The following NLGN1 variants were observed in gnomAD, a reference collection of about 807,000 sequenced individuals.
The protein encoded by NLGN1 is neuroligin 1, also known as neuroligin-1.
Under a neutral mutation model 65.5 loss-of-function variants are expected in NLGN1, and 12 were observed. That is an observed-to-expected ratio of 0.18 (90% confidence interval 0.12 to 0.30). The LOEUF is 0.30. NLGN1 is among the 10% of genes least tolerant of loss of function. The pLI, the probability that NLGN1 is intolerant of heterozygous loss-of-function variation, is 1.00. For synonymous variants in NLGN1, 350 were observed against 359.5 expected, an observed-to-expected ratio of 0.97 and a Z score of 0.30; for missense variants, 750 against 1,007.1, an observed-to-expected ratio of 0.74 and a Z score of 3.46.
intron 1 of NLGN1, among the ~76,000 whole-genome samples, chr3:173,420,005 A>C (rs934776463): frequency 2.6e-5 from 4 of 151,058 alleles, no homozygotes; most frequent in African/African-American, 7.3e-5. Context: ...AATAAAGTAA[A>C]ATAAAATAAT....
intron 2 of NLGN1, among the ~76,000 whole-genome samples, chr3:173,514,204 C>CTT (rs1733460513): frequency 6.6e-6 from 1 of 152,032 alleles, no homozygotes; most frequent in African/African-American, 2.4e-5. Context: ...GAATAATTAC[C>CTT]TGAAATTTAT....
At chr3:173,737,479 C>G (rs1450519247) in intron 3 of NLGN1, among the ~76,000 whole-genome samples, 1 of 151,986 alleles carries the variant, frequency 6.6e-6, no homozygotes, top group Non-Finnish European at 1.5e-5. Flanking sequence ...CTATAGATTG[C>G]CTCTTCAAGA....
chr3:173,663,290 A>G (rs1445353735), intron 3 of NLGN1, among the ~76,000 whole-genome samples: 6 of 152,034 alleles, frequency 3.9e-5, no homozygotes, highest in Admixed American at 3.9e-4. Flanking sequence ...TTTAAGACAG[A>G]CACATAACAA....
chr3:174,080,110 C>A (rs1052144678), intron 4 of NLGN1, among the ~76,000 whole-genome samples: 52 of 152,154 alleles, frequency 3.4e-4, no homozygotes, highest in African/African-American at 1.2e-3. Context: ...ACATTTGATT[C>A]TTTTGGCCCT....
At chr3:173,417,688 T>C (rs1714076407) in intron 1 of NLGN1, among the ~76,000 whole-genome samples, 1 of 152,024 alleles carries the variant, frequency 6.6e-6, no homozygotes, top group Non-Finnish European at 1.5e-5. Flanking sequence ...GATGTTTGGG[T>C]CTCTATCAGT....
At position 173,537,427 on chromosome 3, in the gene NLGN1, A is replaced by G. The variant is rs78980345; in HGVS notation, c.-320-66852A>G. Among the ~76,000 whole-genome samples the G allele has an allele frequency of 3.2e-4, 48 of 152,170 alleles. No individual in the cohort carries two copies. In the East Asian group the frequency reaches 8.5e-3, roughly 27 times the overall value. ...TCCATAACTTAAATACTGTGATATA[A>G]AGTCAGTACATCTTACGTTACATGA... On this transcript the variant is annotated intron_variant, in intron 2 of 6. Transcript: ENST00000457714.
intron 3 of NLGN1, among the ~76,000 whole-genome samples, chr3:173,738,503 C>A (rs967773382): frequency 2.6e-5 from 4 of 152,014 alleles, no homozygotes; most frequent in Non-Finnish European, 5.9e-5. Flanking sequence ...AACAACTATT[C>A]TTTCCCCAAT....
At chr3:173,907,910 G>A (rs34119047) in intron 4 of NLGN1, among the ~76,000 whole-genome samples, 19,646 of 150,944 alleles carry the variant, frequency 0.13, 1,538 homozygotes, top group East Asian at 0.39. Context: ...AGTAGAGACG[G>A]GGTTTCACCA....
intron 2 of NLGN1, among the ~76,000 whole-genome samples, chr3:173,500,605 T>C (rs1010421458): frequency 6.6e-6 from 1 of 152,192 alleles, no homozygotes; most frequent in Admixed American, 6.5e-5. Context: ...TTCTATTGAT[T>C]GGAATAGTTT....
intron 3 of NLGN1, among the ~76,000 whole-genome samples, chr3:173,702,356 T>C (rs1173276234): frequency 1.3e-5 from 2 of 152,152 alleles, no homozygotes; most frequent in African/African-American, 4.8e-5. Context: ...TTTATGTATG[T>C]CCTGCTAAGT....
chr3:173,897,769 G>A lies in NLGN1; in HGVS notation c.646+89937G>A, dbSNP rs116114817. Among the ~76,000 whole-genome samples, 1,154 of 152,160 alleles carry A rather than the reference G, an allele frequency of 7.6e-3. 16 individuals carry two copies. The highest frequency in any genetic ancestry group is 0.026 in the African/African-American group (1,083 of 41,528). On this transcript the variant is annotated intron_variant, in intron 4 of 6. Transcript: ENST00000457714. Reference sequence around the variant, plus strand: ...TTCACTGAACCAGATAAGCTTTAGGGACTCAGTTCTACAAGTAAGCCATAG... The same window carrying A: ...TTCACTGAACCAGATAAGCTTTAGGAACTCAGTTCTACAAGTAAGCCATAG...
intron 4 of NLGN1, among the ~76,000 whole-genome samples, chr3:174,033,966 A>G (rs369294171): frequency 6.6e-6 from 1 of 152,124 alleles, no homozygotes; most frequent in East Asian, 1.9e-4. Flanking sequence ...AGCAAACACC[A>G]AACAGGATAG....
chr3:173,698,008 C>T (rs557823359), intron 3 of NLGN1, among the ~76,000 whole-genome samples: 56 of 144,120 alleles, frequency 3.9e-4, no homozygotes, highest in Non-Finnish European at 7.5e-4. Flanking sequence ...GTGGCCTAAA[C>T]GCATAAGGAC....
At chr3:173,664,435 G>T (rs963791174) in intron 3 of NLGN1, among the ~76,000 whole-genome samples, 13 of 152,148 alleles carry the variant, frequency 8.5e-5, no homozygotes, top group African/African-American at 2.9e-4. Context: ...TCACTTTATT[G>T]TGCATGAAGA....
intron 2 of NLGN1, among the ~76,000 whole-genome samples, chr3:173,513,152 G>A (rs1193116717): frequency 6.6e-6 from 1 of 152,120 alleles, no homozygotes; most frequent in Non-Finnish European, 1.5e-5. Context: ...TTCTCCTGAG[G>A]GCAGACTTTG....
downstream of NLGN1, among the ~76,000 whole-genome samples, chr3:174,288,990 A>G (rs947484030): frequency 5.9e-5 from 9 of 151,418 alleles, no homozygotes; most frequent in African/African-American, 2.2e-4. Flanking sequence ...ATTCTACCTC[A>G]TTAGGTACAG....
At chr3:173,597,340 CT>C (rs1560023579) in intron 2 of NLGN1, among the ~76,000 whole-genome samples, 2 of 152,296 alleles carry the variant, frequency 1.3e-5, no homozygotes, top group East Asian at 3.9e-4. Flanking sequence ...GAGGGCTTGT[CT>C]TCTAAATCTG....
intron 4 of NLGN1, among the ~76,000 whole-genome samples, chr3:173,837,680 T>C (rs546624082): frequency 1.1e-4 from 16 of 152,362 alleles, no homozygotes; most frequent in Middle Eastern, 3.4e-3. Flanking sequence ...ATATATTAAA[T>C]TTCTAATTAA....
intron 4 of NLGN1, among the ~76,000 whole-genome samples, chr3:174,213,682 T>C (rs1737099563): frequency 1.3e-5 from 2 of 152,198 alleles, no homozygotes; most frequent in South Asian, 4.1e-4. Flanking sequence ...AACAATTACA[T>C]TGAAAAGAAC....
Sources: gnomAD v4.1 joint callset for allele counts (sites outside exome capture counted in the v4.1 genomes callset) on GRCh38, gnomAD v4.1.1 for gene constraint, MANE v1.5 for transcripts, NCBI Gene and HGNC (gene_info 2026-07-23, HGNC 2026-07-21) for gene names.